KIF6: variants seen among roughly 807,000 people sequenced by gnomAD.
KIF6 encodes the protein kinesin family member 6, also known as kinesin-like protein KIF6.
Under a neutral mutation model 112.7 loss-of-function variants are expected in KIF6, and 106 were observed. The ratio of observed to expected loss-of-function variants is 0.94; its 90% CI spans 0.80 to 1.11. The LOEUF (loss-of-function observed/expected upper bound fraction) is 1.11, where lower values mean the gene tolerates loss of function less well. Ranked by LOEUF, KIF6 falls within the 50% of genes least tolerant of loss-of-function variation. KIF6 has a pLI of 0.00. For synonymous variants in KIF6, 339 were observed against 339.9 expected, an observed-to-expected ratio of 1.00 and a Z score of 0.03; for missense variants, 929 against 964.0, an observed-to-expected ratio of 0.96 and a Z score of 0.48.
chr6:39,627,865 A>C (rs1341911588), intron 5 of KIF6, among the ~76,000 whole-genome samples: 1 of 152,156 alleles, frequency 6.6e-6, no homozygotes. Context: ...ACTTCATGAG[A>C]CAAACTTAGA....
In KIF6 at chr6:39,343,201, G is replaced by A. The variant is rs1763441806; in HGVS notation, c.2428+508C>T. ...AGAAGAGCCTTCTTCTCTTCCTGTT[G>A]TCTGACACGCCACTCTTACTTCCTC... On this transcript the variant is annotated intron_variant, in intron 22 of 22. Coordinates refer to ENST00000287152, the MANE Select transcript of KIF6 (RefSeq NM_145027.6). This position sits in a 1 kb window ranked among gnomAD's most constrained non-coding sequence, Gnocchi z 4.1. The A allele has an allele frequency of 8.2e-7, 1 of 1,216,130 alleles. No homozygotes were observed. The highest frequency in any genetic ancestry group is 1.0e-6 in the Non-Finnish European group (1 of 955,380). 75.3% of individuals were successfully genotyped at this position (1,216,130 alleles called of 1,614,324 possible). A position where few individuals can be genotyped will look rare whatever the true frequency, so the allele number is the denominator to read the frequency against.
chr6:39,444,627 G>T (rs997635754), intron 13 of KIF6, among the ~76,000 whole-genome samples: 1 of 152,000 alleles, frequency 6.6e-6, no homozygotes, highest in Non-Finnish European at 1.5e-5. Context: ...CAGATGTTGG[G>T]CTCTATACCT....
intron 13 of KIF6, among the ~76,000 whole-genome samples, chr6:39,443,156 T>A (rs932474831): frequency 4.3e-4 from 49 of 113,086 alleles, no homozygotes; most frequent in African/African-American, 4.0e-4. Context: ...ATAATAATAA[T>A]AATAAATAAA....
chr6:39,460,239 C>T, intron 13 of KIF6, among the ~76,000 whole-genome samples: 2 of 117,972 alleles, frequency 1.7e-5, no homozygotes, highest in African/African-American at 6.7e-5. Context: ...ATGGATGAAA[C>T]TGGAAACCAT....
At position 39,674,390 on chromosome 6, in the gene KIF6, G is replaced by T. The variant is rs554185130; in HGVS notation, c.252-34633C>A. On this transcript the variant is annotated intron_variant, in intron 3 of 22. Transcript: ENST00000287152. Reference sequence around the variant, plus strand: ...TGCAGAAAGAGATGATCATATGACTGGCTTTTTTGCTTACCTGAATTCTTC... The same window carrying T: ...TGCAGAAAGAGATGATCATATGACTTGCTTTTTTGCTTACCTGAATTCTTC... Among the ~76,000 whole-genome samples, 4 of 152,234 alleles carry T rather than the reference G, an allele frequency of 2.6e-5. No individual in the cohort carries two copies. The South Asian group carries it at 8.3e-4, about 32-fold the overall frequency.
chr6:39,678,312 A>G (rs1235102721), intron 3 of KIF6, among the ~76,000 whole-genome samples: 1 of 152,216 alleles, frequency 6.6e-6, no homozygotes. Flanking sequence ...GTATATACCC[A>G]AATGAGTATA....
At chr6:39,510,777 T>G (rs1365421713) in intron 13 of KIF6, among the ~76,000 whole-genome samples, 1 of 148,998 alleles carries the variant, frequency 6.7e-6, no homozygotes, top group Admixed American at 6.9e-5. Flanking sequence ...CAAGACCCAT[T>G]GGTGTGCTGT....
chr6:39,694,215 C>A (rs548154336), intron 3 of KIF6, among the ~76,000 whole-genome samples: 2 of 151,760 alleles, frequency 1.3e-5, no homozygotes, highest in African/African-American at 4.8e-5. Flanking sequence ...CAACATCATA[C>A]TGAATGGGCA....
At chr6:39,362,377 G>A (rs1313362491) in intron 17 of KIF6, 57 bp downstream of exon 17, 6 of 1,334,488 alleles carry the variant, frequency 4.5e-6, no homozygotes, top group Admixed American at 1.7e-5. Context: ...GCTCCAGGAC[G>A]ACACTGAGAC....
At chr6:39,601,959 G>C in intron 6 of KIF6, among the ~76,000 whole-genome samples, 1 of 151,912 alleles carries the variant, frequency 6.6e-6, no homozygotes, top group Admixed American at 6.6e-5. Context: ...AACTGTTACA[G>C]GTATTCTACA....
intron 16 of KIF6, among the ~76,000 whole-genome samples, chr6:39,379,973 A>C (rs1407174224): frequency 6.6e-6 from 1 of 152,242 alleles, no homozygotes; most frequent in Admixed American, 6.5e-5. Flanking sequence ...TAAAGAAAGA[A>C]ACACATGTAG....
At chr6:39,337,184 T>TTTCTTTCC (rs1763031873) in intron 22 of KIF6, among the ~76,000 whole-genome samples, 1 of 89,086 alleles carries the variant, frequency 1.1e-5, no homozygotes, top group African/African-American at 8.3e-5. Context: ...TCTTTCTTTC[T>TTTCTTTCC]TTCTTTCTTT....
intron 16 of KIF6, among the ~76,000 whole-genome samples, chr6:39,363,413 G>C (rs540226485): frequency 2.0e-5 from 3 of 152,174 alleles, no homozygotes; most frequent in Non-Finnish European, 4.4e-5. Context: ...GGCTGAGCAC[G>C]TCAGCAGGGA....
chr6:39,455,847 C>A (rs938734382), intron 13 of KIF6, among the ~76,000 whole-genome samples: 1 of 141,314 alleles, frequency 7.1e-6, no homozygotes. Flanking sequence ...ATGAGCAAAG[C>A]CTCCAAGAAA....
chr6:39,476,156 T>C (rs1389870432), intron 13 of KIF6, among the ~76,000 whole-genome samples: 3 of 151,670 alleles, frequency 2.0e-5, no homozygotes, highest in Non-Finnish European at 4.4e-5. Flanking sequence ...CATGTTTACT[T>C]ATGTAACAAA....
intron 22 of KIF6, among the ~76,000 whole-genome samples, chr6:39,339,731 T>G (rs1336448067): frequency 1.3e-5 from 2 of 151,790 alleles, no homozygotes; most frequent in East Asian, 3.9e-4. Flanking sequence ...CTGATGCCCC[T>G]TACGGGTGTT....
In KIF6 at chr6:39,388,775, A is replaced by G. The variant is rs544148902; in HGVS notation, c.1811-3103T>C. Among the ~76,000 whole-genome samples, 3 of 152,230 alleles carry G rather than the reference A, an allele frequency of 2.0e-5. No homozygotes were observed. In the East Asian group the frequency reaches 5.8e-4, roughly 29 times the overall value. On this transcript the variant is annotated intron_variant, in intron 15 of 22. Transcript: ENST00000287152. ...CTGGTTTTGGCCTGGGTTCCTGGACACATCCCCATCCAGAGGTATGGAAAA... is the reference window on the plus strand; with the variant it reads ...CTGGTTTTGGCCTGGGTTCCTGGACGCATCCCCATCCAGAGGTATGGAAAA...
At chr6:39,500,749 T>G (rs1776078723) in intron 13 of KIF6, among the ~76,000 whole-genome samples, 1 of 152,064 alleles carries the variant, frequency 6.6e-6, no homozygotes, top group African/African-American at 2.4e-5. Flanking sequence ...TAGGGTCATC[T>G]CTATAGAAAT....
chr6:39,413,009 G>T (rs1887712), intron 15 of KIF6, among the ~76,000 whole-genome samples: 149,410 of 152,240 alleles, frequency 0.98, 73,328 homozygotes, highest in East Asian at 1. Context: ...AGATTGTGTT[G>T]CCTTATGTAT....
Sources: allele counts gnomAD v4.1 joint callset (sites outside exome capture counted in the v4.1 genomes callset), GRCh38; gene constraint gnomAD v4.1.1; non-coding constraint Gnocchi (gnomAD v3.1); transcripts MANE v1.5; gene names NCBI Gene and HGNC (gene_info 2026-07-23, HGNC 2026-07-21).